Variants in MOK observed in about 807,000 individuals in gnomAD.
MOK encodes the protein MAPK/MAK/MRK overlapping kinase.
Under a neutral mutation model 54.2 loss-of-function variants are expected in MOK, and 59 were observed. The ratio of observed to expected loss-of-function variants is 1.09; its 90% CI spans 0.88 to 1.35. The LOEUF (loss-of-function observed/expected upper bound fraction) is 1.35. MOK is among the 40% of genes most tolerant of loss of function. The pLI is 0.00. For synonymous variants in MOK, 210 were observed against 202.7 expected, an observed-to-expected ratio of 1.04 and a Z score of -0.31; for missense variants, 517 against 526.2, an observed-to-expected ratio of 0.98 and a Z score of 0.17.
intron 7 of MOK, among the ~76,000 whole-genome samples, chr14:102,239,288 C>G (rs111802993): frequency 3.3e-5 from 5 of 151,198 alleles, no homozygotes; most frequent in African/African-American, 1.2e-4. Context: ...CTGGACTTCC[C>G]TCCTACCCAT....
At chr14:102,284,025 A>T (rs564191936) in intron 1 of MOK, among the ~76,000 whole-genome samples, 44 of 152,314 alleles carry the variant, frequency 2.9e-4, no homozygotes, top group South Asian at 6.2e-4. Flanking sequence ...CTGATCCGCA[A>T]CAGTTTCCTA....
intron 1 of MOK, among the ~76,000 whole-genome samples, chr14:102,291,452 C>T (rs1207453811): frequency 6.6e-6 from 1 of 152,202 alleles, no homozygotes; most frequent in Non-Finnish European, 1.5e-5. Flanking sequence ...GCCTAAACAT[C>T]TTCTGCCCTC....
downstream of MOK, chr14:102,224,820 C>T: frequency 2.2e-6 from 1 of 455,960 alleles, no homozygotes; most frequent in South Asian, 1.6e-5. Context: ...ATAAAAGACA[C>T]TAAGACTTGC....
At chr14:102,291,163 C>T (rs2070726015) in intron 1 of MOK, among the ~76,000 whole-genome samples, 1 of 152,150 alleles carries the variant, frequency 6.6e-6, no homozygotes, top group African/African-American at 2.4e-5. Context: ...CATATCCCTT[C>T]TGACAAAAAA....
intron 4 of MOK, among the ~76,000 whole-genome samples, chr14:102,258,326 C>A (rs2067132518): frequency 6.6e-6 from 1 of 152,222 alleles, no homozygotes; most frequent in Non-Finnish European, 1.5e-5. Context: ...TGGGCCTCTT[C>A]CCTCACGGTG....
intron 7 of MOK, among the ~76,000 whole-genome samples, chr14:102,241,366 G>T (rs746402482): frequency 6.6e-6 from 1 of 152,066 alleles, no homozygotes; most frequent in Non-Finnish European, 1.5e-5. Context: ...CCTCACACAG[G>T]GTCCAGCTTA....
chr14:102,227,329 G>GC (rs1053213857), downstream of MOK, among the ~76,000 whole-genome samples: 20 of 140,152 alleles, frequency 1.4e-4, no homozygotes, highest in Admixed American at 4.3e-4. Flanking sequence ...CCTGCGCGCC[G>GC]CCCCCCCTAC....
chr14:102,274,759 G>A (rs540393495), intron 2 of MOK, among the ~76,000 whole-genome samples: 45 of 151,832 alleles, frequency 3.0e-4, no homozygotes, highest in South Asian at 1.3e-3. Flanking sequence ...CGGATCACCT[G>A]AGGTCAAGAG....
chr14:102,303,011 G>C (rs2072413036), intron 1 of MOK, among the ~76,000 whole-genome samples: 1 of 151,468 alleles, frequency 6.6e-6, no homozygotes, highest in Non-Finnish European at 1.5e-5. Context: ...AAAAATACAA[G>C]TTAGCTGGGC....
chr14:102,233,554 G>A, intron 8 of MOK, 134 bp downstream of exon 8: 1 of 681,610 alleles, frequency 1.5e-6, no homozygotes, highest in Non-Finnish European at 2.6e-6. Flanking sequence ...TGGCCCTCAA[G>A]TGAACTTGAA....
rs571414881 is a variant in MOK, at chr14:102,264,687, C to T, written c.213-1071G>A. ...CCTGGCCCAAATTGACTTCTAAGAA[C>T]GCTACAGGACAGGAACCCACACAGT... On this transcript the variant is annotated intron_variant, in intron 3 of 11. Coordinates refer to ENST00000361847, the MANE Select transcript of MOK (RefSeq NM_014226.3). The T allele has an allele frequency of 5.9e-5, 9 of 152,352 alleles. No individual in the cohort carries two copies. In the South Asian group the frequency reaches 8.3e-4, roughly 14 times the overall value. 9.4% of individuals were successfully genotyped at this position (152,352 alleles called of 1,614,324 possible). A position where few individuals can be genotyped will look rare whatever the true frequency, so the allele number is the denominator to read the frequency against.
chr14:102,274,752 A>G (rs796826919), intron 2 of MOK, among the ~76,000 whole-genome samples: 19 of 151,900 alleles, frequency 1.3e-4, no homozygotes, highest in African/African-American at 4.6e-4. Flanking sequence ...AGGCAGGCGG[A>G]TCACCTGAGG....
At chr14:102,273,783 G>A (rs558453259) in intron 2 of MOK, among the ~76,000 whole-genome samples, 9 of 152,002 alleles carry the variant, frequency 5.9e-5, no homozygotes, top group South Asian at 2.1e-4. Context: ...GCAAAACTCC[G>A]TCTCAAAAAC....
chr14:102,250,306 C>T (rs1180964293), intron 7 of MOK, among the ~76,000 whole-genome samples: 1 of 152,050 alleles, frequency 6.6e-6, no homozygotes, highest in Non-Finnish European at 1.5e-5. Context: ...GGAGTGGGAC[C>T]GGCCCCCATC....
At chr14:102,247,587 C>T (rs116839850) in intron 7 of MOK, 9,258 of 152,276 alleles carry the variant, frequency 0.061, 315 homozygotes, top group South Asian at 0.12. Context: ...ATTACCAATC[C>T]CTCTCCAAAG....
In MOK at chr14:102,250,887, C is replaced by T. The variant is rs751920771; in HGVS notation, c.515G>A (p.Cys172Tyr). The change falls in exon 7 of 12, where the codon TGT (cysteine) becomes TAT (tyrosine). Residue 172 changes from cysteine to tyrosine, a missense_variant. Coordinates refer to ENST00000361847, the MANE Select transcript of MOK (RefSeq NM_014226.3). ...ISTRWYRAPECLLTDGFYTYK... is the reference protein window; with the variant it reads ...ISTRWYRAPEYLLTDGFYTYK... ...CGTGTAGAACCCATCAGTGAGGAGA[C>T]ACTCCGGGGCCCGGTACCAGCGGGT... 45 of 1,613,962 alleles carry T rather than the reference C, an allele frequency of 2.8e-5. No homozygotes were observed. Among genetic ancestry groups the T allele is most frequent in the Non-Finnish European group, 3.6e-5 (43 of 1,180,050 alleles).
chr14:102,303,637 T>A (rs1157823178), intron 1 of MOK, among the ~76,000 whole-genome samples: 1 of 152,224 alleles, frequency 6.6e-6, no homozygotes. Context: ...CATTGTTAAA[T>A]TTTCTAAATG....
At chr14:102,293,872 A>G (rs77427912) in intron 1 of MOK, among the ~76,000 whole-genome samples, 3,658 of 152,294 alleles carry the variant, frequency 0.024, 67 homozygotes, top group Non-Finnish European at 0.039. Context: ...ATTACTTTAA[A>G]TGTGTGTAAA....
chr14:102,225,700 T>C (rs1263573810), downstream of MOK: 2 of 155,630 alleles, frequency 1.3e-5, no homozygotes, highest in African/African-American at 4.8e-5. Context: ...TTTATGGTGC[T>C]GTTCCTAAGA....
Sources: allele counts gnomAD v4.1 joint callset (sites outside exome capture counted in the v4.1 genomes callset), GRCh38; gene constraint gnomAD v4.1.1; transcripts MANE v1.5; gene names NCBI Gene and HGNC (gene_info 2026-07-23, HGNC 2026-07-21).